The following GLG1 variants were observed in gnomAD, a reference collection of about 807,000 sequenced individuals.
GLG1 encodes the protein Golgi apparatus protein 1.
Under a neutral mutation model 160.5 loss-of-function variants are expected in GLG1, and 38 were observed. The ratio of observed to expected loss-of-function variants is 0.24; its 90% CI spans 0.18 to 0.31. The LOEUF is 0.31. GLG1 is among the 10% of genes least tolerant of loss of function. GLG1 has a pLI of 1.00. For synonymous variants in GLG1, 644 were observed against 543.4 expected (o/e 1.19, Z -2.57); for missense variants, 1,373 against 1,505.2 (o/e 0.91, Z 1.45).
intron 8 of GLG1, among the ~76,000 whole-genome samples, chr16:74,490,024 A>G (rs1323455751): frequency 1.3e-5 from 2 of 152,342 alleles, no homozygotes; most frequent in East Asian, 1.9e-4. Context: ...GTGGCTTTCT[A>G]AAGTTACACT....
Position 74,579,025 on chromosome 16 carries a change from G to A in GLG1, c.438+27632C>T, listed in dbSNP as rs60905463. Among the ~76,000 whole-genome samples, 1,375 of 152,294 alleles carry A rather than the reference G, an allele frequency of 9.0e-3. 21 individuals carry two copies. The highest frequency in any genetic ancestry group is 0.031 in the African/African-American group (1,301 of 41,572). ...TGGAATCCTGAACAACAAGGTTCAG[G>A]TTTGCCCTAGGAATGCTGAGTTGCA... is the stretch of plus-strand genomic sequence containing the variant. On this transcript the variant is annotated intron_variant, in intron 1 of 25. Transcript: ENST00000422840.
chr16:74,593,928 A>C (rs954935843), intron 1 of GLG1, among the ~76,000 whole-genome samples: 20 of 151,578 alleles, frequency 1.3e-4, no homozygotes, highest in African/African-American at 4.9e-4. Context: ...CATTTTTTTG[A>C]GACAGAGTCT....
chr16:74,558,136 C>T (rs910004327), intron 1 of GLG1, among the ~76,000 whole-genome samples: 1 of 152,120 alleles, frequency 6.6e-6, no homozygotes, highest in Admixed American at 6.5e-5. Context: ...ACTTATGTAC[C>T]TAAGAGGCTT....
chr16:74,508,775 G>C (rs1253510549), intron 3 of GLG1, 64 bp downstream of exon 3: 2 of 754,394 alleles, frequency 2.7e-6, no homozygotes, highest in Non-Finnish European at 4.9e-6. Flanking sequence ...CTTCTCATAA[G>C]GGCTGGTCTG....
intron 2 of GLG1, among the ~76,000 whole-genome samples, chr16:74,526,461 C>T (rs919081885): frequency 1.4e-5 from 2 of 146,286 alleles, no homozygotes; most frequent in Admixed American, 6.9e-5. Flanking sequence ...TAGCAGCTTA[C>T]ACCTGTAGTC....
At chr16:74,560,578 G>A (rs905808609) in intron 1 of GLG1, among the ~76,000 whole-genome samples, 1 of 152,156 alleles carries the variant, frequency 6.6e-6, no homozygotes, top group African/African-American at 2.4e-5. Context: ...GACCTCAGGT[G>A]ATCTGCCTGC....
At chr16:74,502,961 C>G (rs1439610449) in intron 4 of GLG1, among the ~76,000 whole-genome samples, 1 of 151,616 alleles carries the variant, frequency 6.6e-6, no homozygotes, top group Admixed American at 6.6e-5. Flanking sequence ...AATCCCAGCA[C>G]TTTCGGAGGC....
intron 1 of GLG1, among the ~76,000 whole-genome samples, chr16:74,574,651 G>A (rs544514700): frequency 9.3e-4 from 141 of 151,980 alleles, no homozygotes; most frequent in African/African-American, 3.1e-3. Flanking sequence ...GGGAGGCTGA[G>A]GAGGGAGGAT....
At chr16:74,556,267 T>C (rs2018350660) in intron 1 of GLG1, among the ~76,000 whole-genome samples, 1 of 152,134 alleles carries the variant, frequency 6.6e-6, no homozygotes, top group East Asian at 1.9e-4. Flanking sequence ...AGATATACAG[T>C]TAGGTGCTGG....
At position 74,532,183 on chromosome 16, in the gene GLG1, TAAA is replaced by T. The variant is rs34188953; in HGVS notation, c.439-33_439-31del. The T allele has an allele frequency of 4.0e-3, 2,774 of 697,420 alleles. 18 individuals carry two copies. The highest frequency in any genetic ancestry group is 0.016 in the East Asian group (492 of 29,950). The allele number at this position is 697,420 out of a possible 1,614,324, so 43.2% of individuals were successfully genotyped here. A position where few individuals can be genotyped will look rare whatever the true frequency, so the allele number is the denominator to read the frequency against. Reference sequence around the variant, plus strand: ...AAGAGAAAAAAAAGAAGAGATGATGTAAAAAAAAAAATATATATATATATATAT... The same window carrying T: ...AAGAGAAAAAAAAGAAGAGATGATGTAAAAAAAATATATATATATATATAT... On this transcript the variant is annotated intron_variant, in intron 1 of 25. Coordinates refer to ENST00000422840, the MANE Select transcript of GLG1 (RefSeq NM_001145667.2).
intron 2 of GLG1, among the ~76,000 whole-genome samples, chr16:74,529,812 CTTTTTTTTTTT>C (rs1178684020): frequency 8.6e-6 from 1 of 115,792 alleles, no homozygotes; most frequent in South Asian, 2.7e-4. Flanking sequence ...TTTGAGAGTT[CTTTTTTTTTTT>C]TTTTTTTTTT....
At chr16:74,520,696 T>A (rs1451867758) in intron 2 of GLG1, among the ~76,000 whole-genome samples, 1 of 152,190 alleles carries the variant, frequency 6.6e-6, no homozygotes, top group East Asian at 1.9e-4. Flanking sequence ...AAGAACTGCA[T>A]GCCAGAAATA....
In GLG1 at chr16:74,542,687, AG is replaced by A. The variant is rs1323439966; in HGVS notation, c.439-10535del. 1.1e-4 allele frequency among the ~76,000 whole-genome samples: 8 copies of A among 73,706 alleles called. No homozygotes were observed. In the East Asian group the frequency reaches 4.6e-3, roughly 42 times the overall value. The allele number at this position is 73,706 out of a possible 152,430, so 48.4% of individuals were successfully genotyped here. On this transcript the variant is annotated intron_variant, in intron 1 of 25. Transcript: ENST00000422840. Reference sequence around the variant, plus strand: ...AACTCTGTCAAAAAAAAAAAAGGGAAGGGAAGGAGGGAGGGAGGAAGGGAAG... The same window carrying A: ...AACTCTGTCAAAAAAAAAAAAGGGAAGGAAGGAGGGAGGGAGGAAGGGAAG...
At chr16:74,605,099 GT>G (rs1958535253) in intron 1 of GLG1, among the ~76,000 whole-genome samples, 1 of 152,086 alleles carries the variant, frequency 6.6e-6, no homozygotes, top group Non-Finnish European at 1.5e-5. Flanking sequence ...ATACACATAG[GT>G]GTTCACAGTA....
chr16:74,481,448 T>C (rs1014486898), intron 10 of GLG1, among the ~76,000 whole-genome samples: 1 of 152,138 alleles, frequency 6.6e-6, no homozygotes, highest in African/African-American at 2.4e-5. Context: ...TAATATTTAA[T>C]GAGTAACTAT....
intron 9 of GLG1, among the ~76,000 whole-genome samples, chr16:74,485,283 C>T (rs761896780): frequency 9.2e-5 from 14 of 152,186 alleles, no homozygotes; most frequent in Admixed American, 2.0e-4. Flanking sequence ...ATTTATTCAG[C>T]TTTTCTAGAT....
chr16:74,484,561 G>A (rs2015723634), intron 9 of GLG1, among the ~76,000 whole-genome samples: 2 of 152,022 alleles, frequency 1.3e-5, no homozygotes, highest in Admixed American at 6.5e-5. Context: ...AGGAGTTCAA[G>A]ACCAGCCTAA....
Position 74,451,943 on chromosome 16 carries a change from G to C in GLG1, c.*1224C>G, listed in dbSNP as rs1261298033. ...GGTACACGCAGCAAATGGACAGAAA[G>C]AAAAAAAACAGAGCAAATCCTCCAT... On this transcript the variant is annotated 3_prime_UTR_variant, in exon 26 of 26. Coordinates refer to ENST00000422840, the MANE Select transcript of GLG1 (RefSeq NM_001145667.2). The C allele has an allele frequency of 1.3e-5, 11 of 823,906 alleles. No homozygotes were observed. The highest frequency in any genetic ancestry group is 2.1e-5 in the Non-Finnish European group (10 of 486,950). 51.0% of individuals were successfully genotyped at this position (823,906 alleles called of 1,614,324 possible).
rs535316143 is a variant in GLG1, at chr16:74,547,962, G to A, written c.439-15809C>T. ...TTTGTTTGTTTTGAGATGGAGTCTCGCTCTGTCGCCCAGGCTGGAGCAGAG... is the reference window on the plus strand; with the variant it reads ...TTTGTTTGTTTTGAGATGGAGTCTCACTCTGTCGCCCAGGCTGGAGCAGAG... On this transcript the variant is annotated intron_variant, in intron 1 of 25. Transcript: ENST00000422840. Among the ~76,000 whole-genome samples the A allele has an allele frequency of 1.6e-3, 250 of 152,292 alleles. 1 individual carries two copies. The highest frequency in any genetic ancestry group is 0.015 in the South Asian group (72 of 4,830).
Sources: allele counts gnomAD v4.1 joint callset (sites outside exome capture counted in the v4.1 genomes callset), GRCh38; gene constraint gnomAD v4.1.1; transcripts MANE v1.5; gene names NCBI Gene and HGNC (gene_info 2026-07-23, HGNC 2026-07-21).